The following CNTNAP2 variants were observed in gnomAD, a reference collection of about 807,000 sequenced individuals.
CNTNAP2 encodes the protein contactin associated protein 2.
CNTNAP2 carries 98 observed loss-of-function variants against 155.2 expected under a neutral mutation model. The ratio of observed to expected loss-of-function variants is 0.63; its 90% CI spans 0.54 to 0.75. The LOEUF is 0.75. Ranked by LOEUF, CNTNAP2 falls within the 30% of genes least tolerant of loss-of-function variation. The pLI is 0.00. For missense variants in CNTNAP2, 1,727 were observed against 1,688.1 expected, an observed-to-expected ratio of 1.02 and a Z score of -0.40; for synonymous variants, 651 against 631.2, an observed-to-expected ratio of 1.03 and a Z score of -0.47.
chr7:146,477,127 A>G (rs1444604708), intron 1 of CNTNAP2, among the ~76,000 whole-genome samples: 1 of 152,178 alleles, frequency 6.6e-6, no homozygotes, highest in African/African-American at 2.4e-5. Context: ...ATATAATTAT[A>G]TTTGTTACAA....
rs549248850 is a variant in CNTNAP2, at chr7:146,346,513, C to T, written c.97+229540C>T. 3.9e-4 allele frequency among the ~76,000 whole-genome samples: 60 copies of T among 152,256 alleles called. 1 individual carries two copies. The Middle Eastern group carries it at 0.02, about 52-fold the overall frequency. ...CCTGACCAGCATGGTGAAACCCTGT[C>T]TCTACTAAAAATACACAAATTAGCT... is the stretch of plus-strand genomic sequence containing the variant. On this transcript the variant is annotated intron_variant, in intron 1 of 23. Coordinates refer to ENST00000361727, the MANE Select transcript of CNTNAP2 (RefSeq NM_014141.6).
intron 2 of CNTNAP2, among the ~76,000 whole-genome samples, chr7:146,799,054 C>T (rs1331100460): frequency 6.6e-6 from 1 of 152,198 alleles, no homozygotes; most frequent in African/African-American, 2.4e-5. Flanking sequence ...ACCACAACCA[C>T]ATCACTTGAA....
chr7:147,888,294 A>G (rs1799632169), intron 13 of CNTNAP2, among the ~76,000 whole-genome samples: 1 of 152,188 alleles, frequency 6.6e-6, no homozygotes, highest in Admixed American at 6.5e-5. Context: ...ACAGGAATAA[A>G]AACATAATAG....
chr7:147,794,599 T>C (rs552200406), intron 13 of CNTNAP2, among the ~76,000 whole-genome samples: 1 of 151,960 alleles, frequency 6.6e-6, no homozygotes. Context: ...GTATGATTTT[T>C]TTCTGGTGAT....
chr7:146,869,576 C>T lies in CNTNAP2; in HGVS notation c.402+29672C>T, dbSNP rs1795267552. Among the ~76,000 whole-genome samples the T allele has an allele frequency of 3.3e-5, 5 of 152,246 alleles. No homozygotes were observed. The South Asian group carries it at 1.0e-3, about 32-fold the overall frequency. On this transcript the variant is annotated intron_variant, in intron 3 of 23. Coordinates refer to ENST00000361727, the MANE Select transcript of CNTNAP2 (RefSeq NM_014141.6). ...AGGAGCAAGGAAGCCAGTAGTGGCT[C>T]AGTCCAAGTCCCAAAAACTCAGAAG...
In CNTNAP2 at chr7:148,415,741, A is replaced by C; in HGVS notation, c.*125A>C. On this transcript the variant is annotated 3_prime_UTR_variant, in exon 24 of 24. Coordinates refer to ENST00000361727, the MANE Select transcript of CNTNAP2 (RefSeq NM_014141.6). The stretch of plus-strand genomic sequence containing the variant: ...AATATCAGCACAAGTTGGGGGAGGC[A>C]GGCAATGGAATATAATGGAATATTC... The C allele has an allele frequency of 9.6e-7, 1 of 1,044,598 alleles. No individual in the cohort carries two copies. The highest frequency in any genetic ancestry group is 1.4e-6 in the Non-Finnish European group (1 of 691,818). 64.7% of individuals were successfully genotyped at this position (1,044,598 alleles called of 1,614,324 possible). A position where few individuals can be genotyped will look rare whatever the true frequency, so the allele number is the denominator to read the frequency against.
chr7:147,747,198 G>A (rs183924593), intron 13 of CNTNAP2, among the ~76,000 whole-genome samples: 7 of 152,066 alleles, frequency 4.6e-5, no homozygotes, highest in Admixed American at 3.9e-4. Context: ...TTTTCATCTC[G>A]ATTAGCACAT....
intron 3 of CNTNAP2, among the ~76,000 whole-genome samples, chr7:146,880,128 G>A (rs959682103): frequency 2.0e-5 from 3 of 151,956 alleles, no homozygotes; most frequent in Non-Finnish European, 4.4e-5. Flanking sequence ...AGATTTGGGT[G>A]GGGACACAGC....
At chr7:146,646,098 T>C (rs1490424079) in intron 1 of CNTNAP2, among the ~76,000 whole-genome samples, 1 of 152,218 alleles carries the variant, frequency 6.6e-6, no homozygotes. Context: ...ATTCACACTT[T>C]ACAAGTGCTT....
intron 9 of CNTNAP2, among the ~76,000 whole-genome samples, chr7:147,390,478 C>T (rs543973609): frequency 5.5e-4 from 84 of 152,190 alleles, no homozygotes; most frequent in African/African-American, 1.9e-3. Context: ...ATACATGTTT[C>T]CTAGAGCCAC....
intron 17 of CNTNAP2, among the ~76,000 whole-genome samples, chr7:148,157,782 T>C (rs1805432533): frequency 6.6e-6 from 1 of 152,062 alleles, no homozygotes. Flanking sequence ...GGGATAGAAA[T>C]AGGGAGTGAT....
chr7:147,196,546 T>G (rs1802803869), intron 8 of CNTNAP2, among the ~76,000 whole-genome samples: 1 of 152,222 alleles, frequency 6.6e-6, no homozygotes, highest in Admixed American at 6.5e-5. Context: ...TGCATTAAGT[T>G]CAATGTAATC....
At chr7:146,626,241 A>G (rs1432781078) in intron 1 of CNTNAP2, among the ~76,000 whole-genome samples, 1 of 152,140 alleles carries the variant, frequency 6.6e-6, no homozygotes, top group Non-Finnish European at 1.5e-5. Context: ...GCAAAATGGT[A>G]TTTCACCCTA....
At chr7:147,690,283 A>G (rs1287678036) in intron 13 of CNTNAP2, among the ~76,000 whole-genome samples, 1 of 152,100 alleles carries the variant, frequency 6.6e-6, no homozygotes, top group Non-Finnish European at 1.5e-5. Flanking sequence ...CTCTGATACC[A>G]CCTTCTATAC....
rs147631854 is a variant in CNTNAP2 at position 148,212,944 on chromosome 7, G to T, written c.3011-4344G>T. 1.3e-3 allele frequency among the ~76,000 whole-genome samples: 193 copies of T among 152,204 alleles called. 1 individual carries two copies. Among genetic ancestry groups the T allele is most frequent in the African/African-American group, 4.5e-3 (185 of 41,530 alleles). On this transcript the variant is annotated intron_variant, in intron 18 of 23. Coordinates refer to ENST00000361727, the MANE Select transcript of CNTNAP2 (RefSeq NM_014141.6). ...ATAAATCCATAAAGCTTTTAATGAT[G>T]TCTCTAAAATACAGCCAAAGTAGTC... is the stretch of plus-strand genomic sequence containing the variant.
At chr7:148,307,279 G>A (rs539700271) in intron 21 of CNTNAP2, among the ~76,000 whole-genome samples, 1 of 152,258 alleles carries the variant, frequency 6.6e-6, no homozygotes, top group South Asian at 2.1e-4. Context: ...CTGGGGTAGG[G>A]ATCTGGGGAT....
At chr7:147,737,683 G>T (rs977424657) in intron 13 of CNTNAP2, among the ~76,000 whole-genome samples, 1 of 152,170 alleles carries the variant, frequency 6.6e-6, no homozygotes, top group African/African-American at 2.4e-5. Context: ...GAGTTTCCCG[G>T]CCACTTTGTT....
At chr7:148,379,852 C>T in intron 21 of CNTNAP2, among the ~76,000 whole-genome samples, 1 of 152,222 alleles carries the variant, frequency 6.6e-6, no homozygotes, top group Non-Finnish European at 1.5e-5. Context: ...GTGTTTCCTG[C>T]TCAGGTGCCC....
At chr7:146,665,998 C>G (rs190547996) in intron 1 of CNTNAP2, among the ~76,000 whole-genome samples, 1 of 151,976 alleles carries the variant, frequency 6.6e-6, no homozygotes, top group African/African-American at 2.4e-5. Flanking sequence ...ATGTTGGGAA[C>G]ATTCAATATC....
Sources: gnomAD v4.1 joint callset for allele counts (sites outside exome capture counted in the v4.1 genomes callset) on GRCh38, gnomAD v4.1.1 for gene constraint, MANE v1.5 for transcripts, NCBI Gene and HGNC (gene_info 2026-07-23, HGNC 2026-07-21) for gene names.